The following CTNND2 variants were observed in gnomAD, a reference collection of about 807,000 sequenced individuals.
CTNND2 encodes catenin delta 2.
In CTNND2, 22 loss-of-function variants were observed where a neutral mutation model predicts 144.4. That is an observed-to-expected ratio of 0.15 (90% CI 0.11 to 0.22). The LOEUF (loss-of-function observed/expected upper bound fraction) is 0.22. Ranked by LOEUF, CTNND2 falls within the 10% of genes least tolerant of loss-of-function variation. The pLI is 1.00. For missense variants in CTNND2, 1,353 were observed against 1,618.8 expected, an observed-to-expected ratio of 0.84 and a Z score of 2.82; for synonymous variants, 751 against 695.6, an observed-to-expected ratio of 1.08 and a Z score of -1.25.
At chr5:11,338,855 C>T (rs976717632) in intron 9 of CTNND2, among the ~76,000 whole-genome samples, 1 of 152,040 alleles carries the variant, frequency 6.6e-6, no homozygotes, top group Non-Finnish European at 1.5e-5. Flanking sequence ...GGTCTTTTTG[C>T]CTTGGAGTCT....
chr5:11,024,026 T>C (rs2149540711), intron 16 of CTNND2, among the ~76,000 whole-genome samples: 1 of 152,326 alleles, frequency 6.6e-6, no homozygotes, highest in East Asian at 1.9e-4. Flanking sequence ...TTAGGCACAT[T>C]TAGCTAGCTC....
intron 3 of CTNND2, among the ~76,000 whole-genome samples, chr5:11,425,577 A>G (rs1462770955): frequency 3.3e-5 from 5 of 152,188 alleles, no homozygotes; most frequent in Admixed American, 3.3e-4. Context: ...CTGCCAGTCG[A>G]ATGTATAAAA....
chr5:11,601,024 GTT>G (rs554677404), intron 2 of CTNND2, among the ~76,000 whole-genome samples: 1 of 148,674 alleles, frequency 6.7e-6, no homozygotes, highest in Non-Finnish European at 1.5e-5. Flanking sequence ...AAACAGCAAG[GTT>G]TTTTTTTTAT....
chr5:11,743,335 C>T (rs1032157181), intron 1 of CTNND2, among the ~76,000 whole-genome samples: 1 of 152,124 alleles, frequency 6.6e-6, no homozygotes, highest in African/African-American at 2.4e-5. Context: ...TTTATTTCAA[C>T]TCAAGATAGC....
chr5:11,505,089 T>C (rs1308937215), intron 3 of CTNND2, among the ~76,000 whole-genome samples: 1 of 152,114 alleles, frequency 6.6e-6, no homozygotes, highest in East Asian at 1.9e-4. Context: ...AATATTTCTG[T>C]TAAAAGAGTT....
intron 3 of CTNND2, among the ~76,000 whole-genome samples, chr5:11,434,545 T>C (rs1267748466): frequency 1.3e-5 from 2 of 152,180 alleles, no homozygotes; most frequent in Admixed American, 1.3e-4. Flanking sequence ...ATATAGTTAT[T>C]AATATGCACA....
At chr5:11,578,341 G>A (rs867505757) in intron 2 of CTNND2, among the ~76,000 whole-genome samples, 1 of 152,050 alleles carries the variant, frequency 6.6e-6, no homozygotes. Flanking sequence ...TTGATTTAGG[G>A]TATAAACTAT....
chr5:11,568,695 ATACT>A (rs1020625083), intron 2 of CTNND2, among the ~76,000 whole-genome samples: 19 of 152,154 alleles, frequency 1.2e-4, no homozygotes, highest in Non-Finnish European at 2.9e-5. Context: ...GCACTGGAGG[ATACT>A]TAAACTGTGG....
intron 18 of CTNND2, among the ~76,000 whole-genome samples, chr5:10,999,934 C>T (rs72729239): frequency 0.057 from 8,622 of 152,308 alleles, 329 homozygotes; most frequent in East Asian, 0.11. Context: ...CCAATGTGCA[C>T]GACAATCGGG....
intron 7 of CTNND2, among the ~76,000 whole-genome samples, chr5:11,382,367 A>G (rs1405404883): frequency 1.3e-5 from 2 of 152,100 alleles, no homozygotes; most frequent in African/African-American, 4.8e-5. Flanking sequence ...GGGAGGCCAA[A>G]GCGAGCAGAT....
chr5:11,399,892 C>T (rs190457839), intron 5 of CTNND2, among the ~76,000 whole-genome samples: 12 of 152,308 alleles, frequency 7.9e-5, no homozygotes, highest in Admixed American at 2.6e-4. Flanking sequence ...TTCCATTGCT[C>T]ACTAGGTTTT....
intron 2 of CTNND2, among the ~76,000 whole-genome samples, chr5:11,663,086 T>C (rs1441671889): frequency 6.6e-6 from 1 of 152,196 alleles, no homozygotes; most frequent in African/African-American, 2.4e-5. Context: ...GAAATGCCTC[T>C]AGTCAGGGTC....
At chr5:11,494,295 G>C (rs1204361557) in intron 3 of CTNND2, among the ~76,000 whole-genome samples, 1 of 152,014 alleles carries the variant, frequency 6.6e-6, no homozygotes, top group Non-Finnish European at 1.5e-5. Context: ...TGGACCTTTT[G>C]GTCTCACATG....
intron 9 of CTNND2, among the ~76,000 whole-genome samples, chr5:11,275,106 T>C (rs563978095): frequency 9.2e-5 from 14 of 152,250 alleles, no homozygotes; most frequent in Admixed American, 6.5e-4. Context: ...GTGTCCTCAA[T>C]AGGCCTTGCA....
chr5:11,538,106 T>C (rs1478846653), intron 3 of CTNND2, among the ~76,000 whole-genome samples: 1 of 152,224 alleles, frequency 6.6e-6, no homozygotes, highest in African/African-American at 2.4e-5. Context: ...ACTATTATTC[T>C]TAAATAGCAA....
chr5:11,729,646 C>T lies in CTNND2; in HGVS notation c.174+2490G>A, dbSNP rs115135996. 8.1e-3 allele frequency among the ~76,000 whole-genome samples: 1,232 copies of T among 152,162 alleles called. 12 individuals are homozygous for T. The highest frequency in any genetic ancestry group is 0.028 in the African/African-American group (1,150 of 41,540). On this transcript the variant is annotated intron_variant, in intron 2 of 21. Coordinates refer to ENST00000304623, the MANE Select transcript of CTNND2 (RefSeq NM_001332.4). ...TTTCAAATAATTTTATAATAAATTTCGACACACATAAAATCTTACCTATTT... is the reference window on the plus strand; with the variant it reads ...TTTCAAATAATTTTATAATAAATTTTGACACACATAAAATCTTACCTATTT...
intron 9 of CTNND2, among the ~76,000 whole-genome samples, chr5:11,301,926 T>C (rs1225955720): frequency 6.6e-6 from 1 of 152,056 alleles, no homozygotes; most frequent in Non-Finnish European, 1.5e-5. Flanking sequence ...CACTGCTCCA[T>C]GACTTTCTCG....
In CTNND2 at chr5:11,774,242, AATG is replaced by A. The variant is rs1790113179; in HGVS notation, c.38-41973_38-41971del. Reference sequence around the variant, plus strand: ...AATGTTCTTGCGATAGTTTACTGAGAATGATGATTTCCGATTTCATCCATGTCC... The same window carrying A: ...AATGTTCTTGCGATAGTTTACTGAGAATGATTTCCGATTTCATCCATGTCC... On this transcript the variant is annotated intron_variant, in intron 1 of 21. Coordinates refer to ENST00000304623, the MANE Select transcript of CTNND2 (RefSeq NM_001332.4). Among the ~76,000 whole-genome samples the A allele has an allele frequency of 2.6e-5, 4 of 152,160 alleles. No homozygotes were observed. In the South Asian group the frequency reaches 6.2e-4, roughly 24 times the overall value.
In CTNND2 at chr5:11,601,462, T is replaced by C. The variant is rs538970701; in HGVS notation, c.175-36406A>G. On this transcript the variant is annotated intron_variant, in intron 2 of 21. Coordinates refer to ENST00000304623, the MANE Select transcript of CTNND2 (RefSeq NM_001332.4). Reference sequence around the variant, plus strand: ...ATTGGAACAGATTTAATTCCAGTTATTAAAAATAAAATTTAGATCTCTAAA... The same window carrying C: ...ATTGGAACAGATTTAATTCCAGTTACTAAAAATAAAATTTAGATCTCTAAA... Among the ~76,000 whole-genome samples the C allele has an allele frequency of 1.1e-4, 16 of 152,256 alleles. 1 individual carries two copies. Among genetic ancestry groups the C allele is most frequent in the Admixed American group, 3.3e-4 (5 of 15,302 alleles).
Sources: gnomAD v4.1 joint callset for allele counts (sites outside exome capture counted in the v4.1 genomes callset) on GRCh38, gnomAD v4.1.1 for gene constraint, MANE v1.5 for transcripts, NCBI Gene and HGNC (gene_info 2026-07-23, HGNC 2026-07-21) for gene names.